ZNF571: variants seen among roughly 807,000 people sequenced by gnomAD.
The protein encoded by ZNF571 is zinc finger protein 571.
Under a neutral mutation model 7.7 loss-of-function variants are expected in ZNF571, and 4 were observed. The ratio of observed to expected loss-of-function variants is 0.52; its 90% CI spans 0.25 to 1.18. The LOEUF is 1.18. ZNF571 is among the 50% of genes most tolerant of loss of function. The pLI is 0.14. For synonymous variants in ZNF571, 251 were observed against 232.4 expected, an observed-to-expected ratio of 1.08 and a Z score of -0.73; for missense variants, 704 against 726.9, an observed-to-expected ratio of 0.97 and a Z score of 0.36.
At chr19:37,566,490 T>A in intron 3 of ZNF571, 199 bp from the exon 4 acceptor site, 2 of 571,322 alleles carry the variant, frequency 3.5e-6, no homozygotes, top group Non-Finnish European at 5.7e-6. Flanking sequence ...AGAAGGTAAT[T>A]AGAAAAATAG....
At chr19:37,592,029 G>C (rs1375086052) in intron 1 of ZNF571, among the ~76,000 whole-genome samples, 2 of 152,074 alleles carry the variant, frequency 1.3e-5, no homozygotes, top group Non-Finnish European at 2.9e-5. Flanking sequence ...AAGCTGAGGT[G>C]GGTGGATTAC....
chr19:37,570,866 C>G (rs2147163477), intron 3 of ZNF571, among the ~76,000 whole-genome samples: 1 of 152,138 alleles, frequency 6.6e-6, no homozygotes, highest in East Asian at 1.9e-4. Flanking sequence ...TATCCTCCAT[C>G]TTTGATTACC....
At chr19:37,586,822 T>G in intron 1 of ZNF571, 77 bp from the exon 2 acceptor site, 1 of 824,522 alleles carries the variant, frequency 1.2e-6, no homozygotes, top group Middle Eastern at 2.3e-4. Context: ...CTACCTTTAC[T>G]TCTCCTCTTT....
chr19:37,594,637 A>G (rs1438869314), intron 1 of ZNF571, 104 bp downstream of exon 1: 1 of 152,258 alleles, frequency 6.6e-6, no homozygotes, highest in Non-Finnish European at 1.5e-5. Flanking sequence ...GTCAGCACCG[A>G]GCCCCAGCCA....
intron 2 of ZNF571, among the ~76,000 whole-genome samples, chr19:37,584,888 C>T (rs1303589716): frequency 6.6e-6 from 1 of 150,412 alleles, no homozygotes; most frequent in African/African-American, 2.5e-5. Flanking sequence ...GGCGTGAACC[C>T]TGGAGGCGGA....
At position 37,568,887 on chromosome 19, in the gene ZNF571, A is replaced by G. The variant is rs1220567572; in HGVS notation, c.137-2596T>C. Among the ~76,000 whole-genome samples the G allele has an allele frequency of 2.6e-5, 4 of 151,980 alleles. No individual in the cohort carries two copies. In the East Asian group the frequency reaches 7.7e-4, roughly 29 times the overall value. ...TTGCCCCCATCAAGTCCTACTGAAT[A>G]TATCTCCTAAGTAGCTCTCGAATCT... On this transcript the variant is annotated intron_variant, in intron 3 of 3. Transcript: ENST00000451802.
At position 37,584,220 on chromosome 19, in the gene ZNF571, A is replaced by G. The variant is rs77105282; in HGVS notation, c.10-123T>C. On this transcript the variant is annotated intron_variant, in intron 2 of 3. Transcript: ENST00000451802. ...CAAAACAACAGGAAATTGGTTGCCTAAACAGTAGTATTAACCTGATTCTCT... is the reference window on the plus strand; with the variant it reads ...CAAAACAACAGGAAATTGGTTGCCTGAACAGTAGTATTAACCTGATTCTCT... 688 of 1,368,166 alleles carry G rather than the reference A, an allele frequency of 5.0e-4. 6 individuals carry two copies. The East Asian group carries it at 0.014, about 28-fold the overall frequency. 84.8% of individuals were successfully genotyped at this position (1,368,166 alleles called of 1,614,324 possible). A position where few individuals can be genotyped will look rare whatever the true frequency, so the allele number is the denominator to read the frequency against.
chr19:37,592,636 C>T (rs2043900591), intron 1 of ZNF571, among the ~76,000 whole-genome samples: 1 of 152,184 alleles, frequency 6.6e-6, no homozygotes, highest in Non-Finnish European at 1.5e-5. Flanking sequence ...GAAAGTGGGA[C>T]ATCAGACTGT....
Position 37,564,561 on chromosome 19 carries a change from G to A in ZNF571, c.*37C>T, listed in dbSNP as rs1010573448. On this transcript the variant is annotated 3_prime_UTR_variant, in exon 4 of 4. Coordinates refer to ENST00000451802, the MANE Select transcript of ZNF571 (RefSeq NM_016536.5). The stretch of plus-strand genomic sequence containing the variant: ...CATTCATTATAGATATGAAATAGAT[G>A]AAGATTTTCTTAAATTTAATCACAT... The A allele has an allele frequency of 3.4e-6, 5 of 1,453,312 alleles. No homozygotes were observed. Among genetic ancestry groups the A allele is most frequent in the Non-Finnish European group, 4.5e-6 (5 of 1,098,908 alleles). 90.0% of individuals were successfully genotyped at this position (1,453,312 alleles called of 1,614,324 possible). A position where few individuals can be genotyped will look rare whatever the true frequency, so the allele number is the denominator to read the frequency against.
chr19:37,565,969 G>C lies in ZNF571; in HGVS notation c.459C>G (p.Cys153Trp), dbSNP rs372444738. The C allele has an allele frequency of 6.2e-6, 10 of 1,613,656 alleles. No individual in the cohort carries two copies. The African/African-American group carries it at 9.3e-5, about 15-fold the overall frequency. ...TATGATTTTCCTCATGTTGAATAAG[G>C]CATGACAGGTAGCTGAAACCTTGTC... Reference protein sequence around the residue: ...ECRQGFSYLSCLIQHEENHNI... With the variant: ...ECRQGFSYLSWLIQHEENHNI... Residue 153 changes from cysteine to tryptophan, a missense_variant, in exon 4 of 4, where the codon TGC becomes TGG. Cys to Trp is a radical substitution (Grantham distance 215, BLOSUM62 -2). Transcript: ENST00000451802.
intron 3 of ZNF571, among the ~76,000 whole-genome samples, chr19:37,572,241 C>G (rs540542599): frequency 6.6e-6 from 1 of 152,248 alleles, no homozygotes; most frequent in Non-Finnish European, 1.5e-5. Context: ...AAGCTTAAAA[C>G]TCTTTACTGT....
At chr19:37,591,467 T>C (rs1182309652) in intron 1 of ZNF571, among the ~76,000 whole-genome samples, 1 of 152,178 alleles carries the variant, frequency 6.6e-6, no homozygotes, top group Non-Finnish European at 1.5e-5. Context: ...CCTTAGAAGG[T>C]TGTAGGGCAC....
At chr19:37,571,880 T>C (rs1448058520) in intron 3 of ZNF571, among the ~76,000 whole-genome samples, 1 of 152,210 alleles carries the variant, frequency 6.6e-6, no homozygotes, top group Non-Finnish European at 1.5e-5. Context: ...CAGAAAGCTA[T>C]ATTGTTACAT....
intron 1 of ZNF571, among the ~76,000 whole-genome samples, chr19:37,588,796 G>A (rs1432384404): frequency 1.3e-5 from 2 of 152,158 alleles, no homozygotes; most frequent in Non-Finnish European, 2.9e-5. Context: ...TCTGATCTCT[G>A]GGGAAAGGTG....
intron 2 of ZNF571, among the ~76,000 whole-genome samples, chr19:37,584,734 G>A (rs965053671): frequency 5.0e-4 from 76 of 152,122 alleles, no homozygotes; most frequent in African/African-American, 1.7e-3. Context: ...AGGCCGAGGC[G>A]GGCGGATCAC....
In ZNF571 at chr19:37,566,033, A is replaced by C. The variant is rs200625243; in HGVS notation, c.395T>G (p.Ile132Ser). Residue 132 changes from isoleucine (I) to serine (S), a missense_variant, in exon 4 of 4, where the codon ATT (isoleucine) becomes AGT (serine). Physicochemically the swap from Ile to Ser is moderately radical, Grantham distance 142. Transcript: ENST00000451802. Reference protein sequence around the residue: ...HSTSSTFHRIIPTKEKLYKCK... With the variant: ...HSTSSTFHRISPTKEKLYKCK... ...TTTGTACAATTTTTCCTTGGTAGGA[A>C]TTATCCGATGAAAAGTAGAAGAGGT... 1 of 1,614,074 alleles carries C rather than the reference A, an allele frequency of 6.2e-7. No individual in the cohort carries two copies. Among genetic ancestry groups the C allele is most frequent in the African/African-American group, 1.3e-5 (1 of 75,050 alleles).
intron 3 of ZNF571, among the ~76,000 whole-genome samples, chr19:37,577,393 C>A (rs1465176739): frequency 6.6e-6 from 1 of 152,066 alleles, no homozygotes; most frequent in East Asian, 1.9e-4. Flanking sequence ...TCAACAGAAC[C>A]TAACAATTAT....
At chr19:37,580,701 A>C (rs2043425784) in intron 3 of ZNF571, among the ~76,000 whole-genome samples, 1 of 152,094 alleles carries the variant, frequency 6.6e-6, no homozygotes, top group South Asian at 2.1e-4. Flanking sequence ...CTGGTTTTTA[A>C]AAAAGCCTGT....
At chr19:37,575,566 A>C (rs1253238220) in intron 3 of ZNF571, 1 of 152,184 alleles carries the variant, frequency 6.6e-6, no homozygotes, top group African/African-American at 2.4e-5. Flanking sequence ...GATGTGTCCC[A>C]CTTCTCGTTC....
Sources: allele counts gnomAD v4.1 joint callset (sites outside exome capture counted in the v4.1 genomes callset), GRCh38; gene constraint gnomAD v4.1.1; transcripts MANE v1.5; gene names NCBI Gene and HGNC (gene_info 2026-07-23, HGNC 2026-07-21).